The following TENM4 variants were observed in gnomAD, a reference collection of about 807,000 sequenced individuals.
The protein encoded by TENM4 is teneurin transmembrane protein 4.
Under a neutral mutation model 243.3 loss-of-function variants are expected in TENM4, and 82 were observed. The ratio of observed to expected loss-of-function variants is 0.34; its 90% CI spans 0.28 to 0.40. The LOEUF is 0.40. Among genes scored for constraint, TENM4 ranks in the 10% least tolerant of loss-of-function variants. The pLI, the probability that TENM4 is intolerant of heterozygous loss-of-function variation, is 1.00. For missense variants in TENM4, 3,138 were observed against 3,673.3 expected, an observed-to-expected ratio of 0.85 and a Z score of 3.77; for synonymous variants, 1,412 against 1,456.3, an observed-to-expected ratio of 0.97 and a Z score of 0.69.
intron 12 of TENM4, among the ~76,000 whole-genome samples, chr11:78,826,125 T>C (rs933835156): frequency 6.7e-6 from 1 of 148,534 alleles, no homozygotes; most frequent in African/African-American, 2.5e-5. Context: ...TTTGCTCTTG[T>C]TGCCCAGGCT....
chr11:79,400,571 T>C (rs1193848368), intron 1 of TENM4, among the ~76,000 whole-genome samples: 1 of 152,216 alleles, frequency 6.6e-6, no homozygotes, highest in Non-Finnish European at 1.5e-5. Context: ...GATGCAGTGC[T>C]GGACTTAAGC....
intron 6 of TENM4, among the ~76,000 whole-genome samples, chr11:79,012,535 A>G (rs892783923): frequency 3.3e-5 from 5 of 152,186 alleles, no homozygotes; most frequent in Non-Finnish European, 4.4e-5. Context: ...ACTGTCTGAC[A>G]CAAAGTGGGT....
rs148674157 is a variant in TENM4 at position 79,232,439 on chromosome 11, A to T, written c.-264-16530T>A. On this transcript the variant is annotated intron_variant, in intron 2 of 33. Transcript: ENST00000278550. ...TCTGAACCCAACATGCACTGACCCC[A>T]TCTGCATTCAGCAGTGACTGCGAGT... 8.7e-3 allele frequency among the ~76,000 whole-genome samples: 1,332 copies of T among 152,334 alleles called. 22 individuals are homozygous for T. Among genetic ancestry groups the T allele is most frequent in the African/African-American group, 0.03 (1,241 of 41,574 alleles).
intron 1 of TENM4, among the ~76,000 whole-genome samples, chr11:79,410,946 TACACACACATACACAC>T (rs1270358873): frequency 2.0e-5 from 3 of 152,020 alleles, no homozygotes; most frequent in Non-Finnish European, 4.4e-5. Flanking sequence ...TGTGCCCCTC[TACACACACATACACAC>T]ACACACACAT....
chr11:79,290,469 T>A (rs1856335993), intron 2 of TENM4, among the ~76,000 whole-genome samples: 1 of 152,214 alleles, frequency 6.6e-6, no homozygotes, highest in Non-Finnish European at 1.5e-5. Context: ...ATCCGATCAA[T>A]CCAGTCACAG....
At chr11:79,367,481 C>T (rs117469014) in intron 1 of TENM4, among the ~76,000 whole-genome samples, 151 of 152,282 alleles carry the variant, frequency 9.9e-4, no homozygotes, top group Non-Finnish European at 1.8e-3. Context: ...ATTCCTTCTG[C>T]CAAGAGTTAA....
chr11:78,704,914 C>A (rs1358226379), intron 27 of TENM4, among the ~76,000 whole-genome samples: 3 of 152,172 alleles, frequency 2.0e-5, no homozygotes, highest in Non-Finnish European at 2.9e-5. Context: ...TTCTTTAGAG[C>A]ATGATCTTCC....
Position 78,732,303 on chromosome 11 carries a change from G to A in TENM4, c.3138+13C>T. 6.3e-7 allele frequency: 1 copy of A among 1,583,976 alleles called. No individual in the cohort carries two copies. The highest frequency in any genetic ancestry group is 8.6e-7 in the Non-Finnish European group (1 of 1,162,008). ...TAAAAGCATGGTGGAATGCAATTAG[G>A]AAAGCTGGGTACCTGAATTTCCGGC... On this transcript the variant is annotated intron_variant, in intron 21 of 33. Transcript: ENST00000278550.
intron 3 of TENM4, among the ~76,000 whole-genome samples, chr11:79,203,663 C>A (rs371797930): frequency 6.6e-6 from 1 of 152,164 alleles, no homozygotes; most frequent in African/African-American, 2.4e-5. Flanking sequence ...CTGCAGGTAT[C>A]CAAATCCAAG....
At chr11:79,138,441 TA>T (rs1202555036) in intron 4 of TENM4, among the ~76,000 whole-genome samples, 1 of 115,472 alleles carries the variant, frequency 8.7e-6, no homozygotes, top group African/African-American at 3.6e-5. Flanking sequence ...AAATATATAT[TA>T]TATTTATATA....
chr11:79,405,847 CAAAAAAAAAAA>C (rs763128589), intron 1 of TENM4, among the ~76,000 whole-genome samples: 6 of 69,266 alleles, frequency 8.7e-5, no homozygotes, highest in African/African-American at 2.6e-4. Flanking sequence ...ATTGTGATTT[CAAAAAAAAAAA>C]AAAAAAAAAA....
chr11:79,034,581 T>C (rs1301300094), intron 6 of TENM4, among the ~76,000 whole-genome samples: 1 of 149,598 alleles, frequency 6.7e-6, no homozygotes, highest in Non-Finnish European at 1.5e-5. Flanking sequence ...GAAGTTTAAT[T>C]AAAAAAAATT....
intron 1 of TENM4, among the ~76,000 whole-genome samples, chr11:79,324,902 T>C (rs1397572180): frequency 1.3e-5 from 2 of 151,736 alleles, no homozygotes; most frequent in East Asian, 3.9e-4. Flanking sequence ...GCCTTAGGAG[T>C]CAGGTGAAAT....
At chr11:79,189,045 T>A (rs1212869731) in intron 3 of TENM4, among the ~76,000 whole-genome samples, 2 of 152,198 alleles carry the variant, frequency 1.3e-5, no homozygotes, top group Non-Finnish European at 2.9e-5. Flanking sequence ...GCCTTTCTTG[T>A]TGAATTTTAG....
chr11:78,757,075 T>G (rs1856328872), intron 18 of TENM4, 54 bp from the exon 19 acceptor site: 11 of 1,515,006 alleles, frequency 7.3e-6, no homozygotes, highest in Non-Finnish European at 9.9e-6. Context: ...TCAGCCATGT[T>G]TATCCAGAAT....
At chr11:78,844,228 A>G (rs1323468959) in intron 12 of TENM4, among the ~76,000 whole-genome samples, 1 of 152,130 alleles carries the variant, frequency 6.6e-6, no homozygotes, top group Admixed American at 6.5e-5. Context: ...TACCAAATTC[A>G]TATGCTGAAG....
intron 6 of TENM4, among the ~76,000 whole-genome samples, chr11:79,018,750 G>A (rs1166031883): frequency 6.6e-6 from 1 of 152,172 alleles, no homozygotes; most frequent in Non-Finnish European, 1.5e-5. Context: ...AAATGGAAGT[G>A]ATTCACTCTG....
rs548492856 is a variant in TENM4, at chr11:78,786,951, C to A, written c.2312G>T (p.Arg771Leu). 1.2e-6 allele frequency: 2 copies of A among 1,603,354 alleles called. No homozygotes were observed. Residue 771 changes from arginine (R) to leucine (L), a missense_variant, in exon 16 of 34, where the codon CGC (arginine) becomes CTC (leucine). Arg to Leu is a moderately radical substitution (Grantham distance 102). Around this residue, in one of 2 missense-constraint regions of TENM4, gnomAD observed 2,467 missense variants for 3,059.1 expected, o/e 0.81. Transcript: ENST00000278550. ...AGGGCTGCACTCGCACTTGCCGTCGCGGCAGGTCCCATGCTCGGCACAGCG... is the reference window on the plus strand; with the variant it reads ...AGGGCTGCACTCGCACTTGCCGTCGAGGCAGGTCCCATGCTCGGCACAGCG... ...HPRCAEHGTC[R>L]DGKCECSPGW...
intron 1 of TENM4, among the ~76,000 whole-genome samples, chr11:79,332,365 G>A (rs1857074801): frequency 6.6e-6 from 1 of 152,178 alleles, no homozygotes; most frequent in South Asian, 2.1e-4. Context: ...GAGGCCAGAA[G>A]GCAGGTCTGT....
Sources: gnomAD v4.1 joint callset for allele counts (sites outside exome capture counted in the v4.1 genomes callset) on GRCh38, gnomAD v4.1.1 for gene constraint, gnomAD v4.1.1 regional missense constraint, MANE v1.5 for transcripts, NCBI Gene and HGNC (gene_info 2026-07-23, HGNC 2026-07-21) for gene names.